TBC1D5: variants seen among roughly 807,000 people sequenced by gnomAD.
TBC1D5 encodes the protein TBC1 domain family member 5.
Under a neutral mutation model 100.3 loss-of-function variants are expected in TBC1D5, and 75 were observed. The observed-to-expected ratio is 0.75, with a 90% CI of 0.62 to 0.91. The LOEUF (loss-of-function observed/expected upper bound fraction) is 0.91, where lower values mean the gene tolerates loss of function less well. TBC1D5 is among the 40% of genes least tolerant of loss of function. The probability of loss-of-function intolerance (pLI) is 0.00; values close to 1 mark genes in which losing one functional copy is unlikely to be tolerated. For synonymous variants in TBC1D5, 323 were observed against 325.6 expected (o/e 0.99, Z 0.09); for missense variants, 910 against 942.4 (o/e 0.97, Z 0.45).
At chr3:17,464,625 C>T (rs1191479076) in intron 3 of TBC1D5, among the ~76,000 whole-genome samples, 1 of 152,154 alleles carries the variant, frequency 6.6e-6, no homozygotes, top group Non-Finnish European at 1.5e-5. Flanking sequence ...ACTACTGCTA[C>T]CACCATGATA....
chr3:17,205,473 A>C (rs2072041534), intron 18 of TBC1D5, among the ~76,000 whole-genome samples: 1 of 152,192 alleles, frequency 6.6e-6, no homozygotes, highest in African/African-American at 2.4e-5. Context: ...TTGCCTGAAA[A>C]TCTACCAGTA....
At chr3:17,724,254 G>C (rs766253237) in intron 1 of TBC1D5, among the ~76,000 whole-genome samples, 26 of 151,774 alleles carry the variant, frequency 1.7e-4, no homozygotes, top group Non-Finnish European at 2.8e-4. Context: ...CACCATGCTC[G>C]TCTAATTTTT....
intron 2 of TBC1D5, among the ~76,000 whole-genome samples, chr3:17,594,861 C>T (rs963487943): frequency 6.6e-6 from 1 of 152,080 alleles, no homozygotes; most frequent in Non-Finnish European, 1.5e-5. Flanking sequence ...ATGGTTAATA[C>T]GGAGTGTCAA....
intron 9 of TBC1D5, among the ~76,000 whole-genome samples, chr3:17,380,293 T>C (rs1298505801): frequency 2.0e-5 from 3 of 152,068 alleles, no homozygotes; most frequent in African/African-American, 7.2e-5. Context: ...GTCTTTTGAA[T>C]ACCATTAAAA....
intron 17 of TBC1D5, among the ~76,000 whole-genome samples, chr3:17,232,767 AC>A (rs1226862459): frequency 2.0e-5 from 3 of 151,928 alleles, no homozygotes; most frequent in South Asian, 4.2e-4. Context: ...TTTCTGTTCC[AC>A]CCCCCCTAAA....
intron 14 of TBC1D5, among the ~76,000 whole-genome samples, chr3:17,295,880 C>T (rs1232156546): frequency 1.3e-5 from 2 of 151,980 alleles, no homozygotes; most frequent in African/African-American, 2.4e-5. Context: ...CTCCTAATTC[C>T]CCCTAAGGAA....
At chr3:17,242,411 T>C (rs555515027) in intron 16 of TBC1D5, among the ~76,000 whole-genome samples, 1 of 152,130 alleles carries the variant, frequency 6.6e-6, no homozygotes, top group African/African-American at 2.4e-5. Flanking sequence ...TGCTTAGCTA[T>C]ACTTTTGTCA....
chr3:17,443,378 G>A (rs2094710753), intron 3 of TBC1D5, among the ~76,000 whole-genome samples: 1 of 152,092 alleles, frequency 6.6e-6, no homozygotes. Flanking sequence ...ACCACGTGCT[G>A]GATACCATAA....
intron 13 of TBC1D5, among the ~76,000 whole-genome samples, chr3:17,350,315 G>A (rs1307662457): frequency 2.4e-5 from 3 of 127,506 alleles, no homozygotes; most frequent in African/African-American, 4.4e-5. Context: ...GAAACGCATG[G>A]GAGGAATGAC....
At chr3:17,706,516 TC>T (rs1199940897) in intron 1 of TBC1D5, among the ~76,000 whole-genome samples, 1 of 152,166 alleles carries the variant, frequency 6.6e-6, no homozygotes, top group Non-Finnish European at 1.5e-5. Flanking sequence ...TTACAATGTA[TC>T]ATGTACTGTA....
chr3:17,632,308 T>C (rs1398086000), intron 1 of TBC1D5, among the ~76,000 whole-genome samples: 1 of 152,210 alleles, frequency 6.6e-6, no homozygotes, highest in Non-Finnish European at 1.5e-5. Context: ...TATGATAAAG[T>C]GTGACTGGAT....
chr3:17,666,308 T>C (rs1015813394), intron 1 of TBC1D5, among the ~76,000 whole-genome samples: 4 of 152,186 alleles, frequency 2.6e-5, no homozygotes, highest in Non-Finnish European at 2.9e-5. Flanking sequence ...CTTATGACCT[T>C]GGTCCAATTA....
intron 13 of TBC1D5, among the ~76,000 whole-genome samples, chr3:17,334,762 G>T (rs947540444): frequency 6.6e-6 from 1 of 152,102 alleles, no homozygotes. Flanking sequence ...GTCAACTTTA[G>T]ATATAATTTC....
intron 8 of TBC1D5, among the ~76,000 whole-genome samples, chr3:17,384,843 T>A (rs1444246913): frequency 6.6e-6 from 1 of 151,696 alleles, no homozygotes; most frequent in African/African-American, 2.4e-5. Flanking sequence ...AAAGGTGGAG[T>A]AAGGCTGGAA....
intron 1 of TBC1D5, among the ~76,000 whole-genome samples, chr3:17,672,244 T>C (rs2068025768): frequency 6.6e-6 from 1 of 152,196 alleles, no homozygotes. Context: ...AAAATGATAA[T>C]ATAAATTTGA....
intron 1 of TBC1D5, among the ~76,000 whole-genome samples, chr3:17,646,208 A>C (rs1450676865): frequency 6.6e-6 from 1 of 152,116 alleles, no homozygotes; most frequent in Non-Finnish European, 1.5e-5. Context: ...GAAGTAATAT[A>C]ATACATCCAC....
chr3:17,561,546 C>G (rs1405072562), intron 2 of TBC1D5, among the ~76,000 whole-genome samples: 1 of 151,906 alleles, frequency 6.6e-6, no homozygotes, highest in African/African-American at 2.4e-5. Flanking sequence ...ATAAGTTGAC[C>G]AAGTGGAAGG....
At chr3:17,676,735 T>C (rs34990533) in intron 1 of TBC1D5, among the ~76,000 whole-genome samples, 86,854 of 151,954 alleles carry the variant, frequency 0.57, 25,647 homozygotes, top group East Asian at 0.99. Flanking sequence ...GGCATCATGC[T>C]ACCTGACTTC....
chr3:17,698,238 G>A (rs568597106), intron 1 of TBC1D5, among the ~76,000 whole-genome samples: 90 of 152,196 alleles, frequency 5.9e-4, no homozygotes, highest in African/African-American at 1.2e-3. Flanking sequence ...AAATAACGCC[G>A]CATATCTACA....
Sources: gnomAD v4.1 joint callset for allele counts (sites outside exome capture counted in the v4.1 genomes callset) on GRCh38, gnomAD v4.1.1 for gene constraint, MANE v1.5 for transcripts, NCBI Gene and HGNC (gene_info 2026-07-23, HGNC 2026-07-21) for gene names.